Variants in RRAS2 observed in about 807,000 individuals in gnomAD.
The protein encoded by RRAS2 is ras-related protein R-Ras2.
Under a neutral mutation model 27.6 loss-of-function variants are expected in RRAS2, and 7 were observed. The ratio of observed to expected loss-of-function variants is 0.25; its 90% CI spans 0.14 to 0.48. The LOEUF (loss-of-function observed/expected upper bound fraction) is 0.48. Ranked by LOEUF, RRAS2 falls within the 20% of genes least tolerant of loss-of-function variation. The probability of loss-of-function intolerance (pLI) is 0.99; values close to 1 mark genes in which losing one functional copy is unlikely to be tolerated. For synonymous variants in RRAS2, 86 were observed against 90.9 expected, an observed-to-expected ratio of 0.95 and a Z score of 0.31; for missense variants, 178 against 256.2, an observed-to-expected ratio of 0.69 and a Z score of 2.08.
In RRAS2 at chr11:14,279,239, T is replaced by C. The variant is rs1849453280; in HGVS notation, c.*98A>G. ...GTCTAAGGCTAACATGGTGATCATT[T>C]GTCTAAGGCTAGAAAGGTACCAACA... On this transcript the variant is annotated 3_prime_UTR_variant, in exon 6 of 6. Transcript: ENST00000256196. 3.5e-6 allele frequency: 3 copies of C among 861,252 alleles called. No individual in the cohort carries two copies. Among genetic ancestry groups the C allele is most frequent in the Non-Finnish European group, 5.9e-6 (3 of 508,996 alleles). The allele number at this position is 861,252 out of a possible 1,614,324, so 53.4% of individuals were successfully genotyped here.
intron 1 of RRAS2, among the ~76,000 whole-genome samples, chr11:14,329,319 G>C (rs1848438383): frequency 6.6e-6 from 1 of 151,970 alleles, no homozygotes; most frequent in African/African-American, 2.4e-5. Flanking sequence ...TCACCATGTT[G>C]GTCAGGCTGG....
intron 1 of RRAS2, among the ~76,000 whole-genome samples, chr11:14,303,561 ACCC>A (rs1175891306): frequency 1.3e-5 from 2 of 151,790 alleles, no homozygotes; most frequent in Non-Finnish European, 2.9e-5. Context: ...ACAGAGAGAG[ACCC>A]CCATCTCCAC....
At chr11:14,352,068 G>A (rs1807310361) in intron 1 of RRAS2, among the ~76,000 whole-genome samples, 1 of 152,040 alleles carries the variant, frequency 6.6e-6, no homozygotes, top group Admixed American at 6.6e-5. Flanking sequence ...TGGGAAATCT[G>A]GTTAAAGTCA....
chr11:14,327,537 T>G (rs928980696), intron 1 of RRAS2, among the ~76,000 whole-genome samples: 3 of 152,228 alleles, frequency 2.0e-5, no homozygotes, highest in African/African-American at 7.2e-5. Context: ...AAATTGCCTT[T>G]TAATTTGTAC....
At chr11:14,300,571 C>A (rs1361248458) in intron 1 of RRAS2, among the ~76,000 whole-genome samples, 1 of 152,074 alleles carries the variant, frequency 6.6e-6, no homozygotes, top group Non-Finnish European at 1.5e-5. Flanking sequence ...CAAAGCAAGA[C>A]CCTGTTTCCA....
intron 1 of RRAS2, among the ~76,000 whole-genome samples, chr11:14,314,229 A>T (rs1848041632): frequency 6.6e-6 from 1 of 152,220 alleles, no homozygotes; most frequent in Non-Finnish European, 1.5e-5. Flanking sequence ...CAACTATGAA[A>T]TTGAGAGTCT....
At position 14,294,542 on chromosome 11, in the gene RRAS2, T is replaced by C; in HGVS notation, c.337A>G (p.Arg113Gly). Residue 113 changes from arginine (R) to glycine (G), a missense_variant, in exon 4 of 6, where the codon AGA becomes GGA. Arg to Gly is a moderately radical substitution (Grantham distance 125, BLOSUM62 -2). Coordinates refer to ENST00000256196, the MANE Select transcript of RRAS2 (RefSeq NM_012250.6). ...GGGAACTCATCACGATCCTTTACTC[T>C]GAGAATCTGTCTTTGAAACTTATAG... ...EIYKFQRQIL[R>G]VKDRDEFPMI... is the part of the protein sequence containing the mutation. 7 of 1,596,506 alleles carry C rather than the reference T, an allele frequency of 4.4e-6. No individual in the cohort carries two copies. Among genetic ancestry groups the C allele is most frequent in the Non-Finnish European group, 6.0e-6 (7 of 1,172,968 alleles).
intron 1 of RRAS2, among the ~76,000 whole-genome samples, chr11:14,352,744 A>AAT (rs56241114): frequency 2.9e-4 from 41 of 139,128 alleles, no homozygotes; most frequent in South Asian, 2.4e-3. Context: ...AAACTTTTAA[A>AAT]ATATATATAT....
At chr11:14,312,648 T>C (rs1446360587) in intron 1 of RRAS2, among the ~76,000 whole-genome samples, 2 of 152,134 alleles carry the variant, frequency 1.3e-5, no homozygotes, top group Middle Eastern at 3.2e-3. Context: ...CATCAACTCC[T>C]GGCCTCAAGT....
chr11:14,319,255 T>C (rs942681025), intron 1 of RRAS2, among the ~76,000 whole-genome samples: 3 of 151,434 alleles, frequency 2.0e-5, no homozygotes, highest in Admixed American at 1.3e-4. Flanking sequence ...TTGGCAATAA[T>C]GCCAAGCAGG....
intron 1 of RRAS2, among the ~76,000 whole-genome samples, chr11:14,354,109 A>G (rs534876470): frequency 6.6e-6 from 1 of 152,330 alleles, no homozygotes; most frequent in South Asian, 2.1e-4. Flanking sequence ...TTAACTATTA[A>G]CACAAATCTC....
intron 1 of RRAS2, among the ~76,000 whole-genome samples, chr11:14,302,506 A>T (rs1342605535): frequency 1.3e-5 from 2 of 152,006 alleles, no homozygotes; most frequent in Non-Finnish European, 2.9e-5. Context: ...CACATCTCTA[A>T]CTCCATTTCC....
At chr11:14,340,933 G>T (rs1452179934) in intron 1 of RRAS2, among the ~76,000 whole-genome samples, 1 of 152,080 alleles carries the variant, frequency 6.6e-6, no homozygotes, top group East Asian at 1.9e-4. Flanking sequence ...CTTGTTCCAA[G>T]AACACAGAAT....
At chr11:14,362,646 A>G (rs528407148), upstream of RRAS2, among the ~76,000 whole-genome samples, 1 of 152,358 alleles carries the variant, frequency 6.6e-6, no homozygotes, top group South Asian at 2.1e-4. Context: ...AGAATGATCT[A>G]GAACCTTGGA....
At chr11:14,312,458 T>C (rs1554949003) in intron 1 of RRAS2, among the ~76,000 whole-genome samples, 1 of 152,202 alleles carries the variant, frequency 6.6e-6, no homozygotes, top group East Asian at 1.9e-4. Context: ...CTTGCTCTGT[T>C]GCCCGCACTG....
intron 1 of RRAS2, among the ~76,000 whole-genome samples, chr11:14,302,522 A>G (rs1351819381): frequency 6.6e-6 from 1 of 152,194 alleles, no homozygotes; most frequent in Non-Finnish European, 1.5e-5. Flanking sequence ...TTTCCTCAAC[A>G]GAAAAGGGCA....
At chr11:14,294,714 TGATCTTGACAA>T (rs1847500799) in intron 3 of RRAS2, 35 bp downstream of exon 3, 1 of 1,573,258 alleles carries the variant, frequency 6.4e-7, no homozygotes, top group South Asian at 1.1e-5. Context: ...TAAAGTCTAG[TGATCTTGACAA>T]GAACAGTGGA....
chr11:14,286,049 T>C (rs782755003), intron 4 of RRAS2, among the ~76,000 whole-genome samples: 6 of 152,228 alleles, frequency 3.9e-5, no homozygotes, highest in East Asian at 3.8e-4. Flanking sequence ...ATGTCAGACA[T>C]TGTAGTTTTA....
chr11:14,293,119 AAACAAATATATATAT>A (rs1312746075), intron 4 of RRAS2, among the ~76,000 whole-genome samples: 9 of 97,166 alleles, frequency 9.3e-5, no homozygotes, highest in South Asian at 3.6e-4. Context: ...AAACAAAACA[AAACAAATATATATAT>A]ATATATATAT....
Sources: allele counts gnomAD v4.1 joint callset (sites outside exome capture counted in the v4.1 genomes callset), GRCh38; gene constraint gnomAD v4.1.1; transcripts MANE v1.5; gene names NCBI Gene and HGNC (gene_info 2026-07-23, HGNC 2026-07-21).